ELMO2: variants seen among roughly 807,000 people sequenced by gnomAD.
ELMO2 encodes engulfment and cell motility 2.
ELMO2 carries 37 observed loss-of-function variants against 96.2 expected under a neutral mutation model. The observed-to-expected ratio is 0.38, with a 90% CI of 0.30 to 0.51. ELMO2 has a LOEUF of 0.51. Ranked by LOEUF, ELMO2 falls within the 20% of genes least tolerant of loss-of-function variation. ELMO2 has a pLI of 0.88. For synonymous variants in ELMO2, 315 were observed against 329.4 expected (o/e 0.96, Z 0.47); for missense variants, 561 against 912.6 (o/e 0.61, Z 4.96).
intron 20 of ELMO2, chr20:46,369,961 G>GGTGTGTGTGTGTGT (rs200632114): frequency 6.8e-4 from 34 of 50,198 alleles, no homozygotes; most frequent in African/African-American, 1.9e-3. Context: ...TGGGTATGGG[G>GGTGTGTGTGTGTGT]GTGTGTGTGT....
At chr20:46,384,942 A>G (rs896790054) in intron 9 of ELMO2, among the ~76,000 whole-genome samples, 8 of 152,196 alleles carry the variant, frequency 5.3e-5, no homozygotes, top group Non-Finnish European at 8.8e-5. Context: ...CGGCAGAGTG[A>G]GACCCTGTCT....
rs2059839578 is a variant in ELMO2 at position 46,375,462 on chromosome 20, T to C, written c.931-92A>G. The C allele has an allele frequency of 3.2e-6, 5 of 1,547,676 alleles. No homozygotes were observed. The African/African-American group carries it at 5.5e-5, about 17-fold the overall frequency. ...GGGTCAGGCTTTTCTGGGCCAAACTTTGGCCCCAATCAATCCCTTAGGAGG... is the reference window on the plus strand; with the variant it reads ...GGGTCAGGCTTTTCTGGGCCAAACTCTGGCCCCAATCAATCCCTTAGGAGG... On this transcript the variant is annotated intron_variant, in intron 12 of 21. Transcript: ENST00000290246. This position sits in a 1 kb window ranked among gnomAD's most constrained non-coding sequence, Gnocchi z 4.6.
intron 9 of ELMO2, among the ~76,000 whole-genome samples, chr20:46,384,143 C>T (rs2060002115): frequency 6.6e-6 from 1 of 152,120 alleles, no homozygotes; most frequent in Admixed American, 6.5e-5. Context: ...ACTGAAGGGA[C>T]ATTCAATTTA....
chr20:46,371,672 G>A lies in ELMO2; in HGVS notation c.1600C>T (p.Gln534Ter). 6.2e-7 allele frequency: 1 copy of A among 1,613,814 alleles called. No homozygotes were observed. Among genetic ancestry groups the A allele is most frequent in the South Asian group, 1.1e-5 (1 of 91,076 alleles). ...PPIVELREKI[Q>*]PEILELIKQQ... The stretch of plus-strand genomic sequence containing the variant: ...TTGATCAGCTCAAGGATCTCGGGCT[G>A]GATCTTCTCCCTCAGCTCCCTGGGG... The change falls in exon 18 of 22, where the codon CAG (glutamine) becomes TAG (stop). Residue 534 changes from glutamine to a stop codon, truncating the protein, a stop_gained. Transcript: ENST00000290246. LOFTEE classifies it high-confidence loss of function. This position sits in a 1 kb window ranked among gnomAD's most constrained non-coding sequence, Gnocchi z 5.9.
At chr20:46,388,374 AGATTTCTGACTCCCTCTTTGGCAGGTTAG>A (rs2060086978) in intron 7 of ELMO2, among the ~76,000 whole-genome samples, 2 of 152,320 alleles carry the variant, frequency 1.3e-5, no homozygotes, top group African/African-American at 4.8e-5. Flanking sequence ...TGGGCTGAGA[AGATTTCTGACTCCCTCTTTGGCAGGTTAG>A]GCTCCAAGCA....
In ELMO2 at chr20:46,371,422, C is replaced by T. The variant is rs2059703914; in HGVS notation, c.1731G>A (p.Lys577=). ...CATCCAAGTCACCATAGTGAAGGAC[C>T]TTGTGGTTCAGTGCCAACCGGCAGT... ...FWYCRLALNH[K]VLHYGDLDDN... The change falls in exon 19 of 22, where the codon AAG becomes AAA. Residue 577 remains lysine, a synonymous_variant. Coordinates refer to ENST00000290246, the MANE Select transcript of ELMO2 (RefSeq NM_133171.5). The surrounding 1 kb of genome is among the most constrained non-coding windows in gnomAD (Gnocchi z 5.9). 6.8e-6 allele frequency: 11 copies of T among 1,614,264 alleles called. No homozygotes were observed. Among genetic ancestry groups the T allele is most frequent in the African/African-American group, 1.3e-5 (1 of 75,068 alleles).
At chr20:46,394,658 T>C in intron 2 of ELMO2, 126 bp from the exon 3 acceptor site, 2 of 696,980 alleles carry the variant, frequency 2.9e-6, no homozygotes, top group Non-Finnish European at 4.8e-6. Context: ...TGGTTTGAAT[T>C]TTTCTAGATC....
Position 46,371,514 on chromosome 20 carries a change from G to A in ELMO2, c.1694-55C>T. 1.2e-6 allele frequency: 2 copies of A among 1,608,780 alleles called. No homozygotes were observed. The highest frequency in any genetic ancestry group is 2.2e-5 in the South Asian group (2 of 90,858). Reference sequence around the variant, plus strand: ...GCAACGACAGTACTGGGAAAGGCCTGGGCACAAAAGGGGCCATCCAGGCAG... The same window carrying A: ...GCAACGACAGTACTGGGAAAGGCCTAGGCACAAAAGGGGCCATCCAGGCAG... On this transcript the variant is annotated intron_variant, in intron 18 of 21. Transcript: ENST00000290246. This position sits in a 1 kb window ranked among gnomAD's most constrained non-coding sequence, Gnocchi z 5.9.
At chr20:46,391,641 T>A (rs2060151979) in intron 6 of ELMO2, among the ~76,000 whole-genome samples, 1 of 152,164 alleles carries the variant, frequency 6.6e-6, no homozygotes, top group African/African-American at 2.4e-5. Context: ...GGGCTTTGAG[T>A]CCTTCCTCTC....
Position 46,371,925 on chromosome 20 carries a change from G to A in ELMO2, c.1461C>T (p.Ser487=). The change falls in exon 17 of 22, where the codon TCC becomes TCT. Residue 487 remains serine (S), a synonymous_variant. Coordinates refer to ENST00000290246, the MANE Select transcript of ELMO2 (RefSeq NM_133171.5). The surrounding 1 kb of genome is among the most constrained non-coding windows in gnomAD (Gnocchi z 5.9). ...VREQITRALP[S]KPNSLDQFKS... ...TGAACTGATCCAAAGAGTTGGGTTT[G>A]GAGGGCAAAGCTCGAGTGATTTGCT... The A allele has an allele frequency of 6.2e-7, 1 of 1,614,140 alleles. No homozygotes were observed. Among genetic ancestry groups the A allele is most frequent in the Middle Eastern group, 1.7e-4 (1 of 5,996 alleles).
chr20:46,385,933 G>A (rs1403913815), intron 9 of ELMO2, among the ~76,000 whole-genome samples, 191 bp downstream of exon 9: 1 of 152,132 alleles, frequency 6.6e-6, no homozygotes, highest in Admixed American at 6.5e-5. Flanking sequence ...AGGATTTTGG[G>A]CAGGAGCATG....
At chr20:46,368,838 C>T in intron 21 of ELMO2, 53 bp downstream of exon 21, 1 of 1,599,224 alleles carries the variant, frequency 6.3e-7, no homozygotes, top group Non-Finnish European at 8.6e-7. Flanking sequence ...CTGCCACCAA[C>T]TGAAGAGTTA....
rs2059869057 is a variant in ELMO2 at position 46,376,839 on chromosome 20, CAGCCACT to C, written c.808-1056_808-1050del. On this transcript the variant is annotated intron_variant, in intron 11 of 21. Coordinates refer to ENST00000290246, the MANE Select transcript of ELMO2 (RefSeq NM_133171.5). ...TCTAGGGCTGTGCTGTCCAGTATAGCAGCCACTAGCCATATGCAGCTATTTGCATTTA... is the reference window on the plus strand; with the variant it reads ...TCTAGGGCTGTGCTGTCCAGTATAGCAGCCATATGCAGCTATTTGCATTTA... 2.4e-6 allele frequency: 3 copies of C among 1,259,242 alleles called. No homozygotes were observed. In the Admixed American group the frequency reaches 7.6e-5, roughly 32 times the overall value. The allele number at this position is 1,259,242 out of a possible 1,614,324, so 78.0% of individuals were successfully genotyped here.
intron 2 of ELMO2, among the ~76,000 whole-genome samples, chr20:46,397,907 A>G (rs1237848116): frequency 6.6e-6 from 1 of 152,230 alleles, no homozygotes; most frequent in East Asian, 1.9e-4. Context: ...GAAATCAGAA[A>G]GAGATGGAAA....
chr20:46,387,654 T>A (rs2261185), intron 7 of ELMO2: 141,353 of 174,602 alleles, frequency 0.81, 59,827 homozygotes, highest in Non-Finnish European at 0.91. Flanking sequence ...AAAAAAAAAA[T>A]GTTGCTGGGT....
intron 1 of ELMO2, among the ~76,000 whole-genome samples, chr20:46,403,830 T>C (rs952134522): frequency 1.3e-5 from 2 of 152,198 alleles, no homozygotes; most frequent in African/African-American, 4.8e-5. Flanking sequence ...ACGCCTGTAA[T>C]CTCAGAACTT....
intron 10 of ELMO2, among the ~76,000 whole-genome samples, chr20:46,382,539 G>A (rs1438015585): frequency 6.6e-6 from 1 of 152,188 alleles, no homozygotes; most frequent in African/African-American, 2.4e-5. Flanking sequence ...GTATTGGAAG[G>A]GCTGTCAGAG....
At chr20:46,370,252 G>A in intron 20 of ELMO2, 191 bp downstream of exon 20, 1 of 690,962 alleles carries the variant, frequency 1.4e-6, no homozygotes, top group East Asian at 2.8e-5. Context: ...GGGCAGAACT[G>A]GCCATGGTTG....
Position 46,375,445 on chromosome 20 carries a change from C to A in ELMO2, c.931-75G>T. 2 of 1,571,332 alleles carry A rather than the reference C, an allele frequency of 1.3e-6. No homozygotes were observed. Among genetic ancestry groups the A allele is most frequent in the South Asian group, 1.2e-5 (1 of 85,340 alleles). On this transcript the variant is annotated intron_variant, in intron 12 of 21. Transcript: ENST00000290246. This position sits in a 1 kb window ranked among gnomAD's most constrained non-coding sequence, Gnocchi z 4.6. ...CAAGGAAAAGAAACAGTGGGTCAGG[C>A]TTTTCTGGGCCAAACTTTGGCCCCA...
Sources: allele counts gnomAD v4.1 joint callset (sites outside exome capture counted in the v4.1 genomes callset), GRCh38; gene constraint gnomAD v4.1.1; non-coding constraint Gnocchi (gnomAD v3.1); transcripts MANE v1.5; gene names NCBI Gene and HGNC (gene_info 2026-07-23, HGNC 2026-07-21).